The following DENND5B variants were observed in gnomAD, a reference collection of about 807,000 sequenced individuals.
The protein encoded by DENND5B is DENN domain containing 5B.
Under a neutral mutation model 140.6 loss-of-function variants are expected in DENND5B, and 34 were observed. The ratio of observed to expected loss-of-function variants is 0.24; its 90% CI spans 0.18 to 0.32. The LOEUF (loss-of-function observed/expected upper bound fraction) is 0.32, where lower values mean the gene tolerates loss of function less well. Ranked by LOEUF, DENND5B falls within the 10% of genes least tolerant of loss-of-function variation. The pLI is 1.00. For synonymous variants in DENND5B, 551 were observed against 562.1 expected (o/e 0.98, Z 0.28); for missense variants, 1,142 against 1,560.2 (o/e 0.73, Z 4.52).
chr12:31,449,707 T>G (rs376919002), intron 5 of DENND5B, among the ~76,000 whole-genome samples: 1 of 150,146 alleles, frequency 6.7e-6, no homozygotes. Flanking sequence ...GTCCCAAGGA[T>G]AAACCATGGA....
chr12:31,419,123 A>G (rs1942903065), intron 11 of DENND5B, among the ~76,000 whole-genome samples: 1 of 152,250 alleles, frequency 6.6e-6, no homozygotes, highest in Admixed American at 6.5e-5. Flanking sequence ...GAAGGTTTCC[A>G]TGAATCCTAC....
chr12:31,455,525 G>A lies in DENND5B; in HGVS notation c.1093-3049C>T, dbSNP rs181994049. On this transcript the variant is annotated intron_variant, in intron 4 of 20. Coordinates refer to ENST00000389082, the MANE Select transcript of DENND5B (RefSeq NM_144973.4). ...AAAAAGCCCTTTCTCCAAAACAAACGAGAACTCTATAATAGGGCATTCTGA... is the reference window on the plus strand; with the variant it reads ...AAAAAGCCCTTTCTCCAAAACAAACAAGAACTCTATAATAGGGCATTCTGA... 9.4e-3 allele frequency among the ~76,000 whole-genome samples: 1,423 copies of A among 152,098 alleles called. 9 individuals carry two copies. The highest frequency in any genetic ancestry group is 0.015 in the Non-Finnish European group (1,004 of 68,020).
intron 1 of DENND5B, among the ~76,000 whole-genome samples, chr12:31,570,927 G>A (rs1949802271): frequency 6.6e-6 from 1 of 151,948 alleles, no homozygotes; most frequent in African/African-American, 2.4e-5. Flanking sequence ...ACACAAACTG[G>A]GAATTTTAAA....
At chr12:31,475,736 G>A (rs1466098740) in intron 3 of DENND5B, among the ~76,000 whole-genome samples, 3 of 150,954 alleles carry the variant, frequency 2.0e-5, no homozygotes, top group African/African-American at 4.9e-5. Flanking sequence ...GCACCAGAGT[G>A]ACACCCTGTC....
intron 1 of DENND5B, among the ~76,000 whole-genome samples, chr12:31,499,414 T>G (rs1007464856): frequency 2.0e-5 from 3 of 152,178 alleles, no homozygotes; most frequent in African/African-American, 4.8e-5. Flanking sequence ...GACTACTGAA[T>G]ACATGTTTTC....
intron 1 of DENND5B, among the ~76,000 whole-genome samples, chr12:31,498,385 T>C (rs934759078): frequency 4.6e-5 from 7 of 152,178 alleles, no homozygotes; most frequent in African/African-American, 1.7e-4. Context: ...CCATTCTCAA[T>C]ATAATTGTTC....
Position 31,590,525 on chromosome 12 carries a change from G to A in DENND5B, c.127+181C>T, listed in dbSNP as rs558701542. ...CCCGGTGGGCGCAGCCGCAAAGCCCGCACGCGGAATAAATAACAATGTCAT... is the reference window on the plus strand; with the variant it reads ...CCCGGTGGGCGCAGCCGCAAAGCCCACACGCGGAATAAATAACAATGTCAT... On this transcript the variant is annotated intron_variant, in intron 1 of 20. Coordinates refer to ENST00000389082, the MANE Select transcript of DENND5B (RefSeq NM_144973.4). The A allele has an allele frequency of 1.1e-4, 79 of 741,084 alleles. No individual in the cohort carries two copies. In the African/African-American group the frequency reaches 1.4e-3, roughly 14 times the overall value. The allele number at this position is 741,084 out of a possible 1,614,324, so 45.9% of individuals were successfully genotyped here. A position where few individuals can be genotyped will look rare whatever the true frequency, so the allele number is the denominator to read the frequency against.
chr12:31,550,831 T>C (rs1320437792), intron 1 of DENND5B, among the ~76,000 whole-genome samples: 1 of 152,244 alleles, frequency 6.6e-6, no homozygotes, highest in Non-Finnish European at 1.5e-5. Flanking sequence ...ATGAGCATTT[T>C]TTCATGTGTT....
chr12:31,449,835 A>G (rs1944436027), intron 5 of DENND5B, among the ~76,000 whole-genome samples: 1 of 145,940 alleles, frequency 6.9e-6, no homozygotes, highest in Non-Finnish European at 1.5e-5. Context: ...GGTTCATGCC[A>G]TTCTTCTGCC....
intron 1 of DENND5B, among the ~76,000 whole-genome samples, chr12:31,502,171 C>T (rs943123693): frequency 7.3e-5 from 11 of 151,720 alleles, no homozygotes; most frequent in African/African-American, 2.4e-4. Flanking sequence ...AAAAATTAGC[C>T]GGGTGTGGTG....
intron 1 of DENND5B, among the ~76,000 whole-genome samples, chr12:31,589,274 T>A (rs1950515958): frequency 6.6e-6 from 1 of 152,206 alleles, no homozygotes; most frequent in Non-Finnish European, 1.5e-5. Flanking sequence ...ACATTTTTTC[T>A]TCATATCCTT....
At chr12:31,411,253 G>C (rs988555525) in intron 13 of DENND5B, among the ~76,000 whole-genome samples, 2 of 149,976 alleles carry the variant, frequency 1.3e-5, no homozygotes, top group Admixed American at 6.7e-5. Flanking sequence ...GGTCAGGCTA[G>C]TCTCGAACTC....
At chr12:31,408,898 A>G (rs1942282377) in intron 14 of DENND5B, among the ~76,000 whole-genome samples, 1 of 152,198 alleles carries the variant, frequency 6.6e-6, no homozygotes, top group African/African-American at 2.4e-5. Context: ...GTGAGAAGGA[A>G]AGCAGGATTG....
At position 31,480,753 on chromosome 12, in the gene DENND5B, A is replaced by C. The variant is rs187368570; in HGVS notation, c.238-498T>G. Among the ~76,000 whole-genome samples the C allele has an allele frequency of 2.2e-4, 34 of 152,274 alleles. No individual in the cohort carries two copies. In the East Asian group the frequency reaches 6.4e-3, roughly 28 times the overall value. The stretch of plus-strand genomic sequence containing the variant: ...TTTAGGAAGTGGAAAAAAGTTAAAC[A>C]AAGAATAATAAAAACAACAGTGTCA... On this transcript the variant is annotated intron_variant, in intron 2 of 20. Coordinates refer to ENST00000389082, the MANE Select transcript of DENND5B (RefSeq NM_144973.4).
intron 1 of DENND5B, among the ~76,000 whole-genome samples, chr12:31,582,113 A>AC (rs1295765250): frequency 6.6e-6 from 1 of 152,188 alleles, no homozygotes; most frequent in East Asian, 1.9e-4. Context: ...CAGATGTGGA[A>AC]CCCACACACA....
intron 1 of DENND5B, among the ~76,000 whole-genome samples, chr12:31,571,327 GCTTCTTC>G (rs1204002630): frequency 3.9e-5 from 6 of 152,106 alleles, no homozygotes; most frequent in Non-Finnish European, 7.4e-5. Context: ...CTGCTAACTA[GCTTCTTC>G]CTGTCTTCCC....
intron 3 of DENND5B, among the ~76,000 whole-genome samples, chr12:31,463,696 T>C (rs1199569072): frequency 2.0e-5 from 3 of 152,148 alleles, no homozygotes; most frequent in African/African-American, 4.8e-5. Context: ...GTTTTCACTC[T>C]TGCTGCCCAG....
intron 14 of DENND5B, among the ~76,000 whole-genome samples, chr12:31,407,384 C>A (rs1486975558): frequency 6.6e-6 from 1 of 152,204 alleles, no homozygotes; most frequent in African/African-American, 2.4e-5. Flanking sequence ...CTGCCTTGGC[C>A]TCCCAAAGCG....
Position 31,590,871 on chromosome 12 carries a change from C to G in DENND5B, c.-39G>C. On this transcript the variant is annotated 5_prime_UTR_variant, in exon 1 of 21. Coordinates refer to ENST00000389082, the MANE Select transcript of DENND5B (RefSeq NM_144973.4). ...CTCCAGGGGCCGCCGCCGCCGCCGC[C>G]CGGGAAGGCTTTCTGCGGAGGCTGC... The G allele has an allele frequency of 1.7e-6, 2 of 1,190,010 alleles. No individual in the cohort carries two copies. The highest frequency in any genetic ancestry group is 1.0e-6 in the Non-Finnish European group (1 of 964,002). The allele number at this position is 1,190,010 out of a possible 1,614,324, so 73.7% of individuals were successfully genotyped here.
Sources: allele counts gnomAD v4.1 joint callset (sites outside exome capture counted in the v4.1 genomes callset), GRCh38; gene constraint gnomAD v4.1.1; transcripts MANE v1.5; gene names NCBI Gene and HGNC (gene_info 2026-07-23, HGNC 2026-07-21).